GRTP1: variants seen among roughly 807,000 people sequenced by gnomAD.
The protein encoded by GRTP1 is growth hormone-regulated TBC protein 1.
In GRTP1, 56 loss-of-function variants were observed where a neutral mutation model predicts 38.1. The ratio of observed to expected loss-of-function variants is 1.47; its 90% CI spans 1.19 to 1.84. The LOEUF is 1.84. GRTP1 is among the 40% of genes most tolerant of loss of function. The pLI, the probability that GRTP1 is intolerant of heterozygous loss-of-function variation, is 0.00. For synonymous variants in GRTP1, 217 were observed against 189.5 expected (o/e 1.14, Z -1.19); for missense variants, 506 against 453.9 (o/e 1.11, Z -1.04).
intron 5 of GRTP1, among the ~76,000 whole-genome samples, chr13:113,337,803 C>G (rs1465862121): frequency 6.6e-6 from 1 of 152,246 alleles, no homozygotes; most frequent in Non-Finnish European, 1.5e-5. Context: ...GGGAACCCCA[C>G]TCGGGAGGAC....
chr13:113,352,564 CAG>C (rs1347165744), intron 3 of GRTP1, among the ~76,000 whole-genome samples: 1 of 151,556 alleles, frequency 6.6e-6, no homozygotes, highest in Admixed American at 6.6e-5. Flanking sequence ...TTTGTAAAGA[CAG>C]AGTTTTGCCA....
At chr13:113,331,648 CTTTTTTTTTTTTT>C (rs59328510) in intron 5 of GRTP1, among the ~76,000 whole-genome samples, 11 of 92,986 alleles carry the variant, frequency 1.2e-4, no homozygotes, top group East Asian at 3.5e-4. Context: ...GTTTGGTTTA[CTTTTTTTTTTTTT>C]TTTTTTTTTT....
rs370930291 is a variant in GRTP1 at position 113,330,867 on chromosome 13, A to G, written c.563-4776T>C. ...GAAGGAAACCCAGGTGTGTGCATGGAAGCCCAGGTGTGTGCATGGAAACCC... is the reference window on the plus strand; with the variant it reads ...GAAGGAAACCCAGGTGTGTGCATGGGAGCCCAGGTGTGTGCATGGAAACCC... On this transcript the variant is annotated intron_variant, in intron 5 of 7. Transcript: ENST00000375431. Among the ~76,000 whole-genome samples the G allele has an allele frequency of 1.6e-3, 31 of 19,812 alleles. 12 individuals carry two copies. Among genetic ancestry groups the G allele is most frequent in the South Asian group, 6.3e-3 (2 of 316 alleles). The allele number at this position is 19,812 out of a possible 152,430, so 13.0% of individuals were successfully genotyped here.
chr13:113,325,699 T>C lies in GRTP1; in HGVS notation c.883A>G (p.Lys295Glu). The C allele has an allele frequency of 6.2e-7, 1 of 1,614,172 alleles. No individual in the cohort carries two copies. Among genetic ancestry groups the C allele is most frequent in the Non-Finnish European group, 8.5e-7 (1 of 1,180,020 alleles). Residue 295 changes from lysine (K) to glutamate (E), a missense_variant, in exon 7 of 8, where the codon AAA (lysine) becomes GAA (glutamate). Lys to Glu is a moderately conservative substitution (Grantham distance 56). Transcript: ENST00000375431. ...TGACACTCCATCACGAAACTCCCTT[T>C]GGTTATCTGCTTAAACTTATCGCAA... Reference protein sequence around the residue: ...DICDKFKQITKGSFVMECHTF... With the variant: ...DICDKFKQITEGSFVMECHTF...
At chr13:113,361,109 CAAAAAAAAA>C (rs57785391) in intron 2 of GRTP1, among the ~76,000 whole-genome samples, 1 of 92,940 alleles carries the variant, frequency 1.1e-5, no homozygotes, top group African/African-American at 4.1e-5. Flanking sequence ...GACTTTGACT[CAAAAAAAAA>C]AAAAAAAAAA....
chr13:113,347,923 G>A (rs1318923812), intron 4 of GRTP1, among the ~76,000 whole-genome samples: 1 of 144,936 alleles, frequency 6.9e-6, no homozygotes, highest in Non-Finnish European at 1.5e-5. Flanking sequence ...GCCAAGAACG[G>A]ACCTGGGAGG....
At chr13:113,333,910 C>T (rs2042916666) in intron 5 of GRTP1, among the ~76,000 whole-genome samples, 1 of 148,626 alleles carries the variant, frequency 6.7e-6, no homozygotes, top group African/African-American at 2.5e-5. Context: ...TCTTGGTTCA[C>T]TGCAGCCTCC....
chr13:113,344,242 A>G (rs1285982024), intron 5 of GRTP1, among the ~76,000 whole-genome samples: 2 of 152,218 alleles, frequency 1.3e-5, no homozygotes, highest in Non-Finnish European at 2.9e-5. Context: ...CAATAGGCAC[A>G]GAAGTTACCA....
At chr13:113,329,532 C>T (rs1055355144) in intron 5 of GRTP1, among the ~76,000 whole-genome samples, 5 of 152,040 alleles carry the variant, frequency 3.3e-5, no homozygotes, top group East Asian at 1.9e-4. Context: ...TGCAGTGAGC[C>T]GAGATCGTGC....
Position 113,357,377 on chromosome 13 carries a change from A to G in GRTP1, c.182-1896T>C, listed in dbSNP as rs546870228. ...GGAGAATAGCCTGAACCTGGCAGGC[A>G]GAGGTTGCAGTGAGCCGAGATCACG... On this transcript the variant is annotated intron_variant, in intron 2 of 7. Coordinates refer to ENST00000375431, the MANE Select transcript of GRTP1 (RefSeq NM_024719.4). Among the ~76,000 whole-genome samples, 194 of 143,846 alleles carry G rather than the reference A, an allele frequency of 1.3e-3. 1 individual carries two copies. The highest frequency in any genetic ancestry group is 4.9e-3 in the African/African-American group (188 of 38,432). The allele number at this position is 143,846 out of a possible 152,430, so 94.4% of individuals were successfully genotyped here. A position where few individuals can be genotyped will look rare whatever the true frequency, so the allele number is the denominator to read the frequency against.
At chr13:113,333,173 G>T (rs1020849005) in intron 5 of GRTP1, among the ~76,000 whole-genome samples, 2 of 152,228 alleles carry the variant, frequency 1.3e-5, no homozygotes, top group African/African-American at 4.8e-5. Context: ...CGCCGAGCTC[G>T]GAGGGTTGGC....
chr13:113,352,480 C>T (rs1214173148), intron 3 of GRTP1, among the ~76,000 whole-genome samples: 1 of 150,314 alleles, frequency 6.7e-6, no homozygotes, highest in Non-Finnish European at 1.5e-5. Flanking sequence ...CTCAAGCGAT[C>T]CTCCCACCTC....
chr13:113,361,210 TAAAAAAAA>T (rs60140159), intron 2 of GRTP1, among the ~76,000 whole-genome samples: 22 of 125,324 alleles, frequency 1.8e-4, no homozygotes, highest in African/African-American at 4.7e-4. Context: ...AGACCAATGC[TAAAAAAAA>T]AAAAAAAAAA....
At position 113,325,347 on chromosome 13, in the gene GRTP1, T is replaced by C. The variant is rs1027706755; in HGVS notation, c.921+314A>G. The C allele has an allele frequency of 2.0e-4, 287 of 1,422,684 alleles. 1 individual carries two copies. Among genetic ancestry groups the C allele is most frequent in the Middle Eastern group, 1.6e-3 (6 of 3,860 alleles). 88.1% of individuals were successfully genotyped at this position (1,422,684 alleles called of 1,614,324 possible). On this transcript the variant is annotated intron_variant, in intron 7 of 7. Coordinates refer to ENST00000375431, the MANE Select transcript of GRTP1 (RefSeq NM_024719.4). ...CTGAGTCTATACGGCCTGCGCCAGG[T>C]CCAGGACCCAGTGGGGAGGCCGGGC... is the stretch of plus-strand genomic sequence containing the variant.
At position 113,356,769 on chromosome 13, in the gene GRTP1, A is replaced by C. The variant is rs537231498; in HGVS notation, c.182-1288T>G. On this transcript the variant is annotated intron_variant, in intron 2 of 7. Coordinates refer to ENST00000375431, the MANE Select transcript of GRTP1 (RefSeq NM_024719.4). ...TATAGGGTAAAACTTTATGAGCTCA[A>C]ATTCCAAGGTGATCCACAATGTATG... 2.6e-5 allele frequency among the ~76,000 whole-genome samples: 4 copies of C among 152,250 alleles called. No homozygotes were observed. The South Asian group carries it at 8.3e-4, about 32-fold the overall frequency.
chr13:113,329,341 G>A (rs1286054380), intron 5 of GRTP1, among the ~76,000 whole-genome samples: 1 of 152,192 alleles, frequency 6.6e-6, no homozygotes, highest in South Asian at 2.1e-4. Flanking sequence ...ACTTTGGGAG[G>A]CTGAGACGGG....
Position 113,326,105 on chromosome 13 carries a change from T to G in GRTP1, c.563-14A>C. The G allele has an allele frequency of 1.2e-6, 2 of 1,603,972 alleles. No homozygotes were observed. Among genetic ancestry groups the G allele is most frequent in the Admixed American group, 1.7e-5 (1 of 59,924 alleles). On this transcript the variant is annotated splice_polypyrimidine_tract_variant and intron_variant, in intron 5 of 7. Transcript: ENST00000375431. ...GGCTGTAGTAATCTGCCAGGCAATG[T>G]GGAGAAAAGACCCCGAGACACTCCC...
chr13:113,328,067 G>C (rs1051054035), intron 5 of GRTP1, among the ~76,000 whole-genome samples: 23 of 152,340 alleles, frequency 1.5e-4, no homozygotes, highest in African/African-American at 5.5e-4. Flanking sequence ...CCCAGCCGGC[G>C]CAGCGGCTGC....
chr13:113,362,528 C>T (rs952433799), intron 2 of GRTP1, among the ~76,000 whole-genome samples: 1 of 151,888 alleles, frequency 6.6e-6, no homozygotes, highest in Admixed American at 6.6e-5. Flanking sequence ...CCCAGCTATG[C>T]GGGAGGCTGA....
Sources: gnomAD v4.1 joint callset for allele counts (sites outside exome capture counted in the v4.1 genomes callset) on GRCh38, gnomAD v4.1.1 for gene constraint, MANE v1.5 for transcripts, NCBI Gene and HGNC (gene_info 2026-07-23, HGNC 2026-07-21) for gene names.